The following DLEC1 variants were observed in gnomAD, a reference collection of about 807,000 sequenced individuals.
The protein encoded by DLEC1 is deleted in lung and esophageal cancer protein 1.
Under a neutral mutation model 198.1 loss-of-function variants are expected in DLEC1, and 146 were observed. That is an observed-to-expected ratio of 0.74 (90% CI 0.64 to 0.85). The LOEUF is 0.85. Ranked by LOEUF, DLEC1 falls within the 40% of genes least tolerant of loss-of-function variation. The pLI is 0.00. For missense variants in DLEC1, 2,233 were observed against 2,220.0 expected, an observed-to-expected ratio of 1.01 and a Z score of -0.12; for synonymous variants, 897 against 866.8, an observed-to-expected ratio of 1.03 and a Z score of -0.61.
chr3:38,056,524 GGTCTTGAACTCTTGACCTCAA>G (rs1168940015), intron 2 of DLEC1, among the ~76,000 whole-genome samples: 12 of 152,218 alleles, frequency 7.9e-5, no homozygotes, highest in Admixed American at 7.2e-4. Flanking sequence ...TGGCCAGGCT[GGTCTTGAACTCTTGACCTCAA>G]GTGATCTGCC....
At chr3:38,086,711 G>A (rs1698476627) in intron 9 of DLEC1, among the ~76,000 whole-genome samples, 1 of 152,300 alleles carries the variant, frequency 6.6e-6, no homozygotes, top group Admixed American at 6.5e-5. Flanking sequence ...CAAATTGGCT[G>A]CCCTTTGGCC....
chr3:38,101,692 C>G (rs1252298125), intron 19 of DLEC1, among the ~76,000 whole-genome samples: 8 of 152,154 alleles, frequency 5.3e-5, no homozygotes, highest in Admixed American at 5.2e-4. Flanking sequence ...CCCACACTTT[C>G]ACCATGACAA....
At chr3:38,047,756 C>G (rs1700946057) in intron 2 of DLEC1, among the ~76,000 whole-genome samples, 1 of 152,178 alleles carries the variant, frequency 6.6e-6, no homozygotes, top group African/African-American at 2.4e-5. Flanking sequence ...GTTGCTATCT[C>G]TCCTTTCATG....
At chr3:38,092,994 C>A in intron 11 of DLEC1, 114 bp downstream of exon 11, 3 of 997,236 alleles carry the variant, frequency 3.0e-6, no homozygotes, top group Non-Finnish European at 3.1e-6. Context: ...GTGTCAGGAG[C>A]GCACATTAAG....
At chr3:38,096,384 G>C (rs1324994233) in intron 14 of DLEC1, among the ~76,000 whole-genome samples, 185 bp from the exon 15 acceptor site, 2 of 152,190 alleles carry the variant, frequency 1.3e-5, no homozygotes, top group Admixed American at 6.5e-5. Flanking sequence ...CTAAACCACT[G>C]TCACAGCCAT....
At chr3:38,067,197 G>A (rs559494721) in intron 6 of DLEC1, among the ~76,000 whole-genome samples, 2 of 152,244 alleles carry the variant, frequency 1.3e-5, no homozygotes, top group African/African-American at 4.8e-5. Flanking sequence ...TTGTTTACCC[G>A]GCTAAACTAT....
chr3:38,099,399 G>A (rs1699191567), intron 18 of DLEC1, among the ~76,000 whole-genome samples: 1 of 152,158 alleles, frequency 6.6e-6, no homozygotes, highest in African/African-American at 2.4e-5. Flanking sequence ...TTTTATAATG[G>A]AAATAATTGC....
intron 6 of DLEC1, among the ~76,000 whole-genome samples, chr3:38,065,198 C>T (rs1239921729): frequency 2.0e-5 from 3 of 152,242 alleles, no homozygotes; most frequent in Admixed American, 6.5e-5. Context: ...ACCAGTCATG[C>T]GTGGCGGCGC....
At chr3:38,108,647 T>C in intron 21 of DLEC1, 132 bp downstream of exon 21, 1 of 735,652 alleles carries the variant, frequency 1.4e-6, no homozygotes, top group Non-Finnish European at 2.3e-6. Context: ...TTTCTTGCAT[T>C]TGGGTCTGGG....
At chr3:38,109,358 G>A in intron 21 of DLEC1, 74 bp from the exon 22 acceptor site, 1 of 1,586,380 alleles carries the variant, frequency 6.3e-7, no homozygotes, top group Non-Finnish European at 8.6e-7. Context: ...AATCCCCTGT[G>A]CTGCGGAAGA....
intron 1 of DLEC1, among the ~76,000 whole-genome samples, chr3:38,041,244 T>C (rs1319751666): frequency 6.6e-6 from 1 of 152,018 alleles, no homozygotes; most frequent in Non-Finnish European, 1.5e-5. Flanking sequence ...CCTCGTGATC[T>C]GCCCACCTTG....
chr3:38,052,578 G>T (rs1253061929), intron 2 of DLEC1, among the ~76,000 whole-genome samples: 2 of 152,216 alleles, frequency 1.3e-5, no homozygotes, highest in Non-Finnish European at 2.9e-5. Context: ...TGAACAGCAA[G>T]TTGTGGCGCA....
chr3:38,079,758 G>A (rs534420700), intron 6 of DLEC1, among the ~76,000 whole-genome samples: 1 of 152,322 alleles, frequency 6.6e-6, no homozygotes, highest in East Asian at 1.9e-4. Context: ...TGGGGGAGGA[G>A]GTTCTGGAGG....
intron 2 of DLEC1, among the ~76,000 whole-genome samples, chr3:38,057,182 A>C (rs182082773): frequency 2.9e-4 from 44 of 152,352 alleles, no homozygotes; most frequent in Non-Finnish European, 3.4e-4. Flanking sequence ...AGCAGTAAGA[A>C]TCAATTATTT....
intron 5 of DLEC1, 33 bp downstream of exon 5, chr3:38,062,834 A>G (rs1313434294): frequency 1.9e-6 from 3 of 1,607,198 alleles, no homozygotes; most frequent in Non-Finnish European, 2.5e-6. Context: ...CTCTCAGAAA[A>G]CCTGGCCCAT....
chr3:38,074,616 T>C (rs138521343), intron 6 of DLEC1, among the ~76,000 whole-genome samples: 1,542 of 152,282 alleles, frequency 0.01, 28 homozygotes, highest in African/African-American at 0.035. Flanking sequence ...CCTGGGGAAT[T>C]TGTCTGGTAG....
intron 6 of DLEC1, among the ~76,000 whole-genome samples, chr3:38,079,431 G>A (rs62240708): frequency 0.19 from 29,287 of 151,920 alleles, 3,355 homozygotes; most frequent in East Asian, 0.33. Flanking sequence ...GGTAGCCTCC[G>A]TATTGATTAA....
In DLEC1 at chr3:38,039,405, A is replaced by T. The variant is rs1188880790; in HGVS notation, c.180A>T (p.Ala60=). The T allele has an allele frequency of 6.2e-7, 1 of 1,613,946 alleles. No homozygotes were observed. Among genetic ancestry groups the T allele is most frequent in the Non-Finnish European group, 8.5e-7 (1 of 1,179,878 alleles). ...AYSEAFHYSF[A]ARPRRLTQLA... is the part of the protein sequence containing the mutation. ...CTGAGGCCTTCCACTACAGCTTCGC[A>T]GCCCGGCCCCGCCGCCTCACGCAGC... The change falls in exon 1 of 37, where the codon GCA becomes GCT. Residue 60 remains alanine, a synonymous_variant. Coordinates refer to ENST00000308059, the MANE Select transcript of DLEC1 (RefSeq NM_007335.4).
At chr3:38,105,315 A>C (rs1699514441) in intron 19 of DLEC1, among the ~76,000 whole-genome samples, 2 of 152,052 alleles carry the variant, frequency 1.3e-5, no homozygotes, top group Non-Finnish European at 2.9e-5. Context: ...TAAATCTTCT[A>C]TTTCAATGTT....
Sources: gnomAD v4.1 joint callset for allele counts (sites outside exome capture counted in the v4.1 genomes callset) on GRCh38, gnomAD v4.1.1 for gene constraint, MANE v1.5 for transcripts, NCBI Gene and HGNC (gene_info 2026-07-23, HGNC 2026-07-21) for gene names.